CEP112: variants seen among roughly 807,000 people sequenced by gnomAD.
CEP112 encodes centrosomal protein of 112 kDa.
In CEP112, 127 loss-of-function variants were observed where a neutral mutation model predicts 153.0. The ratio of observed to expected loss-of-function variants is 0.83; its 90% CI spans 0.72 to 0.96. The LOEUF (loss-of-function observed/expected upper bound fraction) is 0.96. Ranked by LOEUF, CEP112 falls within the 40% of genes least tolerant of loss-of-function variation. The probability of loss-of-function intolerance (pLI) is 0.00; values close to 1 mark genes in which losing one functional copy is unlikely to be tolerated. For missense variants in CEP112, 1,089 were observed against 1,101.2 expected (o/e 0.99, Z 0.16); for synonymous variants, 358 against 374.4 (o/e 0.96, Z 0.51).
chr17:65,921,288 C>T (rs991754791), intron 19 of CEP112, among the ~76,000 whole-genome samples: 12 of 152,188 alleles, frequency 7.9e-5, no homozygotes, highest in African/African-American at 1.9e-4. Context: ...TTAGTTTAAT[C>T]GGCTTCATTC....
chr17:65,678,824 A>G (rs1419012360), intron 24 of CEP112, among the ~76,000 whole-genome samples: 1 of 152,222 alleles, frequency 6.6e-6, no homozygotes, highest in Non-Finnish European at 1.5e-5. Flanking sequence ...GCAAGCACAT[A>G]GAGGATCCTG....
chr17:65,933,104 G>A (rs895123176), intron 18 of CEP112, among the ~76,000 whole-genome samples: 1 of 152,138 alleles, frequency 6.6e-6, no homozygotes, highest in African/African-American at 2.4e-5. Context: ...GAATCAGTGA[G>A]TTCAAAGACA....
chr17:66,130,428 T>C (rs577489205), intron 5 of CEP112, among the ~76,000 whole-genome samples: 4 of 152,232 alleles, frequency 2.6e-5, no homozygotes, highest in Non-Finnish European at 4.4e-5. Context: ...CTTAAATTAA[T>C]TCTCACTCAC....
intron 24 of CEP112, among the ~76,000 whole-genome samples, chr17:65,676,332 G>GA (rs60299147): frequency 0.52 from 65,449 of 125,792 alleles, 14,858 homozygotes; most frequent in Middle Eastern, 0.61. Context: ...TGTCTTAAAA[G>GA]AAAAAAAAAA....
intron 21 of CEP112, among the ~76,000 whole-genome samples, chr17:65,784,238 T>G (rs1040165886): frequency 2.6e-5 from 4 of 152,222 alleles, no homozygotes; most frequent in Non-Finnish European, 5.9e-5. Context: ...CATGGCTGCA[T>G]TTTTGCATGG....
chr17:66,034,824 C>T (rs8068373), intron 12 of CEP112, among the ~76,000 whole-genome samples: 150,256 of 150,586 alleles, frequency 1, 74,965 homozygotes, highest in Middle Eastern at 1. Flanking sequence ...TTTGTTTTCA[C>T]TGAGACAGAG....
At chr17:65,987,331 A>G (rs1204771651) in intron 17 of CEP112, among the ~76,000 whole-genome samples, 1 of 152,186 alleles carries the variant, frequency 6.6e-6, no homozygotes, top group Non-Finnish European at 1.5e-5. Context: ...AATGCAAATC[A>G]GTGATGTTGT....
chr17:65,977,155 A>G (rs1035928763), intron 17 of CEP112, among the ~76,000 whole-genome samples: 10 of 152,176 alleles, frequency 6.6e-5, no homozygotes, highest in Non-Finnish European at 1.3e-4. Flanking sequence ...AACTGGAATA[A>G]ACGAGACTCT....
In CEP112 at chr17:65,826,574, T is replaced by C. The variant is rs1021308710; in HGVS notation, c.2394+25230A>G. On this transcript the variant is annotated intron_variant, in intron 21 of 26. Transcript: ENST00000535342. ...GCCAGGGCTAAAGGGCCAGCACACCTTCTTTGTGATTCTGGTCTCCCAGGG... is the reference window on the plus strand; with the variant it reads ...GCCAGGGCTAAAGGGCCAGCACACCCTCTTTGTGATTCTGGTCTCCCAGGG... 3.1e-6 allele frequency: 4 copies of C among 1,270,392 alleles called. No individual in the cohort carries two copies. The African/African-American group carries it at 6.2e-5, about 20-fold the overall frequency. 78.7% of individuals were successfully genotyped at this position (1,270,392 alleles called of 1,614,324 possible). A position where few individuals can be genotyped will look rare whatever the true frequency, so the allele number is the denominator to read the frequency against.
At chr17:65,663,135 C>T (rs144162413) in intron 24 of CEP112, among the ~76,000 whole-genome samples, 1 of 152,194 alleles carries the variant, frequency 6.6e-6, no homozygotes, top group East Asian at 1.9e-4. Context: ...TTTTCTCCTT[C>T]ATTTTGATGA....
chr17:65,749,559 C>T (rs1179473911), intron 22 of CEP112, among the ~76,000 whole-genome samples: 1 of 151,904 alleles, frequency 6.6e-6, no homozygotes, highest in African/African-American at 2.4e-5. Context: ...GGGATTGGGC[C>T]AGGCTGGTAG....
intron 21 of CEP112, among the ~76,000 whole-genome samples, chr17:65,761,092 A>C (rs2145388115): frequency 6.6e-6 from 1 of 151,764 alleles, no homozygotes; most frequent in Non-Finnish European, 1.5e-5. Flanking sequence ...GTGATACCTC[A>C]TTTTTCATTA....
intron 20 of CEP112, among the ~76,000 whole-genome samples, chr17:65,874,897 T>C (rs544578054): frequency 6.6e-6 from 1 of 152,222 alleles, no homozygotes; most frequent in African/African-American, 2.4e-5. Context: ...AATGTGTCAA[T>C]CTTTGTTAAA....
chr17:65,660,127 T>C (rs2046267465), intron 24 of CEP112, among the ~76,000 whole-genome samples: 1 of 151,732 alleles, frequency 6.6e-6, no homozygotes, highest in Admixed American at 6.6e-5. Context: ...CTGAAGACAA[T>C]GGAAAAACTA....
chr17:66,141,367 T>A (rs2146611487), intron 4 of CEP112, among the ~76,000 whole-genome samples: 1 of 149,844 alleles, frequency 6.7e-6, no homozygotes, highest in South Asian at 2.1e-4. Flanking sequence ...AAAAATTAAA[T>A]AAACATTTTA....
intron 21 of CEP112, among the ~76,000 whole-genome samples, chr17:65,752,065 T>C (rs2051910147): frequency 7.0e-6 from 1 of 142,798 alleles, no homozygotes; most frequent in South Asian, 2.2e-4. Flanking sequence ...CATCCATCCA[T>C]CATCTGTCTA....
At chr17:65,733,255 G>C (rs182755404) in intron 23 of CEP112, among the ~76,000 whole-genome samples, 15 of 152,306 alleles carry the variant, frequency 9.8e-5, no homozygotes, top group African/African-American at 3.6e-4. Context: ...CTTATTGTTT[G>C]TTGTCTCCCA....
At chr17:65,835,454 A>G (rs1472559995) in intron 21 of CEP112, among the ~76,000 whole-genome samples, 1 of 152,180 alleles carries the variant, frequency 6.6e-6, no homozygotes, top group Non-Finnish European at 1.5e-5. Context: ...CAAAGCAGCA[A>G]GAGAAAAGAC....
intron 17 of CEP112, among the ~76,000 whole-genome samples, chr17:65,973,786 G>A (rs1300046267): frequency 1.3e-5 from 2 of 152,100 alleles, no homozygotes; most frequent in Non-Finnish European, 2.9e-5. Flanking sequence ...GAACGTTTGG[G>A]GTGATACATA....
Sources: gnomAD v4.1 joint callset for allele counts (sites outside exome capture counted in the v4.1 genomes callset) on GRCh38, gnomAD v4.1.1 for gene constraint, MANE v1.5 for transcripts, NCBI Gene and HGNC (gene_info 2026-07-23, HGNC 2026-07-21) for gene names.